The following FBLN2 variants were observed in gnomAD, a reference collection of about 807,000 sequenced individuals.
FBLN2 encodes fibulin-2.
FBLN2 carries 81 observed loss-of-function variants against 123.7 expected under a neutral mutation model. The ratio of observed to expected loss-of-function variants is 0.65; its 90% CI spans 0.55 to 0.79. The LOEUF (loss-of-function observed/expected upper bound fraction) is 0.79, where lower values mean the gene tolerates loss of function less well. Among genes scored for constraint, FBLN2 ranks in the 30% least tolerant of loss-of-function variants. The probability of loss-of-function intolerance (pLI) is 0.00; values close to 1 mark genes in which losing one functional copy is unlikely to be tolerated. For missense variants in FBLN2, 1,603 were observed against 1,681.3 expected (o/e 0.95, Z 0.81); for synonymous variants, 699 against 701.4 (o/e 1.00, Z 0.05).
chr3:13,621,067 C>A (rs1705833831), intron 8 of FBLN2, among the ~76,000 whole-genome samples: 1 of 152,210 alleles, frequency 6.6e-6, no homozygotes. Flanking sequence ...CCCTGTGAGG[C>A]CCCTCTGCCT....
intron 4 of FBLN2, among the ~76,000 whole-genome samples, chr3:13,611,394 C>G (rs1474026068): frequency 6.6e-6 from 1 of 152,180 alleles, no homozygotes; most frequent in Non-Finnish European, 1.5e-5. Context: ...CTTATCTTCT[C>G]AAGCTGAAAC....
At chr3:13,557,067 CTG>C (rs1256372713) in intron 1 of FBLN2, among the ~76,000 whole-genome samples, 2 of 152,272 alleles carry the variant, frequency 1.3e-5, no homozygotes, top group Admixed American at 1.3e-4. Context: ...TGCAGGTGGT[CTG>C]TGCTTTCTTT....
intron 1 of FBLN2, among the ~76,000 whole-genome samples, chr3:13,568,021 G>T (rs979500693): frequency 2.0e-5 from 3 of 152,148 alleles, no homozygotes; most frequent in African/African-American, 7.2e-5. Context: ...AGTCTGGAGG[G>T]TCCTTGCTTT....
chr3:13,629,722 C>T, intron 13 of FBLN2, 98 bp from the exon 14 acceptor site: 1 of 1,459,380 alleles, frequency 6.9e-7, no homozygotes. Context: ...GGGTCCCTCT[C>T]CCACTTAGCC....
chr3:13,593,156 C>T (rs1420883770), intron 2 of FBLN2, among the ~76,000 whole-genome samples: 3 of 152,202 alleles, frequency 2.0e-5, no homozygotes, highest in African/African-American at 7.2e-5. Flanking sequence ...AACTGCAAAG[C>T]ATTGAGGTGA....
At position 13,618,283 on chromosome 3, in the gene FBLN2, C is replaced by T. The variant is rs777217962; in HGVS notation, c.1937C>T (p.Pro646Leu). The change falls in exon 6 of 18, where the codon CCA becomes CTA. Residue 646 changes from proline (P) to leucine (L), a missense_variant and splice_region_variant. Coordinates refer to ENST00000404922, the MANE Select transcript of FBLN2 (RefSeq NM_001004019.2). ...CAGGACGATGGCCGCACTTGCCGCC[C>T]AGGTAAGGGCCCTGATGGCCAGGGC... ...SLQDDGRTCRPEGHPPQPEAP... is the reference protein window; with the variant it reads ...SLQDDGRTCRLEGHPPQPEAP... 2.5e-6 allele frequency: 4 copies of T among 1,613,596 alleles called. No homozygotes were observed. The Admixed American group carries it at 6.7e-5, about 27-fold the overall frequency.
chr3:13,595,299 C>A (rs1704805293), intron 2 of FBLN2, among the ~76,000 whole-genome samples: 1 of 152,134 alleles, frequency 6.6e-6, no homozygotes, highest in Non-Finnish European at 1.5e-5. Flanking sequence ...CTGGCTGGGG[C>A]TGCTCTGCCT....
chr3:13,610,287 A>C (rs960651870), intron 4 of FBLN2, among the ~76,000 whole-genome samples: 1 of 152,184 alleles, frequency 6.6e-6, no homozygotes, highest in African/African-American at 2.4e-5. Flanking sequence ...GCTCCTGGCC[A>C]TCATCGGAAG....
chr3:13,566,170 C>T (rs1030242848), intron 1 of FBLN2, among the ~76,000 whole-genome samples: 2 of 152,202 alleles, frequency 1.3e-5, no homozygotes, highest in Non-Finnish European at 2.9e-5. Flanking sequence ...CTTCCCCACC[C>T]CATCTCCAGG....
intron 2 of FBLN2, among the ~76,000 whole-genome samples, chr3:13,605,892 C>T (rs1160954208): frequency 6.6e-6 from 1 of 152,148 alleles, no homozygotes; most frequent in Non-Finnish European, 1.5e-5. Context: ...TGGCATTTCT[C>T]ACTCTTACTC....
chr3:13,573,584 G>T (rs1487315043), intron 2 of FBLN2, among the ~76,000 whole-genome samples: 1 of 152,162 alleles, frequency 6.6e-6, no homozygotes, highest in Non-Finnish European at 1.5e-5. Context: ...CGGCTCCTGT[G>T]CACATGCTGG....
Position 13,571,244 on chromosome 3 carries a change from G to A in FBLN2, c.889G>A (p.Ala297Thr). Residue 297 changes from alanine to threonine, a missense_variant, in exon 2 of 18, where the codon GCA becomes ACA. Transcript: ENST00000404922. ...REEMAVTEQL[A>T]AGGHRGLDGL... ...GGAAATGGCTGTCACTGAGCAGCTG[G>A]CAGCAGGTGGCCACAGGGGGCTGGA... 6.4e-7 allele frequency: 1 copy of A among 1,567,898 alleles called. No individual in the cohort carries two copies. The highest frequency in any genetic ancestry group is 8.6e-7 in the Non-Finnish European group (1 of 1,156,886).
rs550549376 is a variant in FBLN2, at chr3:13,619,752, G to A, written c.2076G>A (p.Val692=). The A allele has an allele frequency of 1.4e-5, 23 of 1,613,518 alleles. No individual in the cohort carries two copies. The highest frequency in any genetic ancestry group is 6.6e-5 in the South Asian group (6 of 91,000). Residue 692 remains valine (V), a synonymous_variant, in exon 8 of 18, where the codon GTG becomes GTA. Transcript: ENST00000404922. ...TCKDNGPCKQ[V]CSTVGGSAIC... ...CAGACAATGGACCCTGCAAGCAGGT[G>A]TGCAGCACTGTTGGGGGCTCAGCCA...
chr3:13,565,296 G>T (rs1703712250), intron 1 of FBLN2, among the ~76,000 whole-genome samples: 1 of 152,228 alleles, frequency 6.6e-6, no homozygotes, highest in Non-Finnish European at 1.5e-5. Flanking sequence ...CGCTGGTCCT[G>T]TCTGGAGCCT....
chr3:13,617,740 C>T (rs1330505522), intron 5 of FBLN2, among the ~76,000 whole-genome samples: 1 of 109,932 alleles, frequency 9.1e-6, no homozygotes, highest in Non-Finnish European at 1.9e-5. Context: ...CCCCCCCCAC[C>T]CCCCCACCCA....
chr3:13,621,917 T>G lies in FBLN2; in HGVS notation c.2296+2T>G. On this transcript the variant is annotated splice_donor_variant, in intron 9 of 17. Coordinates refer to ENST00000404922, the MANE Select transcript of FBLN2 (RefSeq NM_001004019.2). LOFTEE classifies it high-confidence loss of function. ...TCAATGCGCACAGGAAGTGCGTGGG[T>G]AAGCCAGGGCCCCGCCTGCCGCCCG... 1 of 1,611,252 alleles carries G rather than the reference T, an allele frequency of 6.2e-7. No homozygotes were observed. Among genetic ancestry groups the G allele is most frequent in the South Asian group, 1.1e-5 (1 of 90,980 alleles).
At chr3:13,575,767 G>A (rs2124832453) in intron 2 of FBLN2, among the ~76,000 whole-genome samples, 1 of 152,158 alleles carries the variant, frequency 6.6e-6, no homozygotes, top group South Asian at 2.1e-4. Context: ...TCTGAGCCTG[G>A]CTGCATGCCC....
At chr3:13,629,484 C>T (rs1462640624) in intron 13 of FBLN2, among the ~76,000 whole-genome samples, 192 bp downstream of exon 13, 1 of 152,122 alleles carries the variant, frequency 6.6e-6, no homozygotes, top group Admixed American at 6.5e-5. Context: ...CCCCCGCCCC[C>T]ACCTTCTCAG....
chr3:13,609,593 A>G lies in FBLN2; in HGVS notation c.1499A>G (p.Glu500Gly), dbSNP rs751113432. The G allele has an allele frequency of 6.4e-7, 1 of 1,552,076 alleles. No homozygotes were observed. The highest frequency in any genetic ancestry group is 1.2e-5 in the South Asian group (1 of 84,828). Residue 500 changes from glutamate to glycine, a missense_variant, in exon 4 of 18, where the codon GAG becomes GGG. Coordinates refer to ENST00000404922, the MANE Select transcript of FBLN2 (RefSeq NM_001004019.2). ...GGCGTCCTGGGAGCCAAGGAGGGTG[A>G]GACCTGTGGGGCTGAGGACAACGAC... ...MAGVLGAKEGETCGAEDNDSC... is the reference protein window; with the variant it reads ...MAGVLGAKEGGTCGAEDNDSC...
Sources: gnomAD v4.1 joint callset for allele counts (sites outside exome capture counted in the v4.1 genomes callset) on GRCh38, gnomAD v4.1.1 for gene constraint, MANE v1.5 for transcripts, NCBI Gene and HGNC (gene_info 2026-07-23, HGNC 2026-07-21) for gene names.